Variants in ARHGEF3 observed in about 807,000 individuals in gnomAD.
The protein encoded by ARHGEF3 is 59.8 kDA protein.
A neutral mutation model predicts 63.2 loss-of-function variants in ARHGEF3; 28 were observed. The ratio of observed to expected loss-of-function variants is 0.44; its 90% CI spans 0.33 to 0.61. The LOEUF (loss-of-function observed/expected upper bound fraction) is 0.61. ARHGEF3 is among the 20% of genes least tolerant of loss of function. ARHGEF3 has a pLI of 0.03. For synonymous variants in ARHGEF3, 266 were observed against 254.2 expected, an observed-to-expected ratio of 1.05 and a Z score of -0.44; for missense variants, 533 against 659.3, an observed-to-expected ratio of 0.81 and a Z score of 2.10.
At chr3:57,022,884 CT>C (rs1420637575) in intron 2 of ARHGEF3, among the ~76,000 whole-genome samples, 1 of 152,218 alleles carries the variant, frequency 6.6e-6, no homozygotes, top group Non-Finnish European at 1.5e-5. Flanking sequence ...AGCTAAGCCC[CT>C]GGGCCTTAGC....
intron 2 of ARHGEF3, among the ~76,000 whole-genome samples, chr3:57,012,649 T>C (rs1702750015): frequency 6.6e-6 from 1 of 152,214 alleles, no homozygotes; most frequent in Admixed American, 6.5e-5. Flanking sequence ...CTAAAGTCAC[T>C]TACTCAAGGT....
chr3:56,751,018 G>A (rs1410612514), intron 6 of ARHGEF3, 38 bp downstream of exon 6: 1 of 1,508,678 alleles, frequency 6.6e-7, no homozygotes, highest in Non-Finnish European at 9.0e-7. Context: ...CTATATTATT[G>A]AAATTTATCT....
chr3:57,010,349 G>A lies in ARHGEF3; in HGVS notation c.62+24739C>T, dbSNP rs1702642584. ...CGGGTGCCTGTAGTCCCAGCTACTTGGGAGGCTGAGGCAGGAGAATGGCGT... is the reference window on the plus strand; with the variant it reads ...CGGGTGCCTGTAGTCCCAGCTACTTAGGAGGCTGAGGCAGGAGAATGGCGT... On this transcript the variant is annotated intron_variant, in intron 2 of 12. Coordinates refer to the ARHGEF3 transcript ENST00000338458. 2.0e-5 allele frequency among the ~76,000 whole-genome samples: 3 copies of A among 151,946 alleles called. No individual in the cohort carries two copies. In the South Asian group the frequency reaches 6.3e-4, roughly 32 times the overall value.
intron 2 of ARHGEF3, among the ~76,000 whole-genome samples, chr3:56,968,206 A>ATATAT: frequency 5.2e-5 from 1 of 19,310 alleles, no homozygotes; most frequent in Non-Finnish European, 1.3e-4. Flanking sequence ...TAATATATAA[A>ATATAT]AATATATATT....
At chr3:56,824,655 G>T (rs987052724) in intron 4 of ARHGEF3, among the ~76,000 whole-genome samples, 1 of 152,164 alleles carries the variant, frequency 6.6e-6, no homozygotes, top group Non-Finnish European at 1.5e-5. Context: ...GAAGATTATT[G>T]GCAATTATTA....
chr3:56,863,940 C>T (rs2040162215), intron 4 of ARHGEF3, among the ~76,000 whole-genome samples: 1 of 152,182 alleles, frequency 6.6e-6, no homozygotes, highest in Non-Finnish European at 1.5e-5. Context: ...TCTTCTAACG[C>T]ATGCCAAGAA....
intron 3 of ARHGEF3, among the ~76,000 whole-genome samples, chr3:56,919,146 A>C (rs9844930): frequency 0.33 from 49,735 of 152,084 alleles, 8,409 homozygotes; most frequent in Middle Eastern, 0.37. Context: ...GGGGTTAATC[A>C]TCCAGGGTGA....
At chr3:56,909,186 C>A (rs1028026274) in intron 3 of ARHGEF3, among the ~76,000 whole-genome samples, 2 of 152,184 alleles carry the variant, frequency 1.3e-5, no homozygotes, top group African/African-American at 2.4e-5. Flanking sequence ...GGGGACCACA[C>A]AGACATTTTC....
intron 6 of ARHGEF3, among the ~76,000 whole-genome samples, chr3:56,746,468 G>A (rs1272504024): frequency 1.3e-5 from 2 of 151,842 alleles, no homozygotes; most frequent in Non-Finnish European, 1.5e-5. Context: ...GCAGTGGCTC[G>A]TGCCTGTAAT....
chr3:56,783,725 A>G (rs2036666673), intron 1 of ARHGEF3, among the ~76,000 whole-genome samples: 1 of 152,224 alleles, frequency 6.6e-6, no homozygotes, highest in Admixed American at 6.5e-5. Flanking sequence ...ACTGTTTCAG[A>G]CGCTGTATTT....
intron 4 of ARHGEF3, among the ~76,000 whole-genome samples, chr3:56,868,641 G>C (rs1389398108): frequency 2.0e-5 from 3 of 152,180 alleles, no homozygotes; most frequent in Non-Finnish European, 4.4e-5. Context: ...GGGATTACAG[G>C]CATGAGCCAC....
chr3:56,797,371 T>C (rs550316354), intron 1 of ARHGEF3, among the ~76,000 whole-genome samples: 1 of 152,346 alleles, frequency 6.6e-6, no homozygotes, highest in East Asian at 1.9e-4. Context: ...AGCCTCGGAA[T>C]GATGGCTCAA....
chr3:56,870,821 A>T (rs1012745797), intron 4 of ARHGEF3, among the ~76,000 whole-genome samples: 21 of 43,840 alleles, frequency 4.8e-4, no homozygotes, highest in African/African-American at 1.4e-3. Flanking sequence ...TATAGAAGAA[A>T]AAGACAAGGC....
At chr3:56,750,719 T>C (rs1395451573) in intron 6 of ARHGEF3, among the ~76,000 whole-genome samples, 1 of 151,184 alleles carries the variant, frequency 6.6e-6, no homozygotes, top group Non-Finnish European at 1.5e-5. Context: ...AAATTTTTAT[T>C]GGAGTATATT....
intron 4 of ARHGEF3, among the ~76,000 whole-genome samples, chr3:56,815,138 C>T (rs2038222075): frequency 6.7e-6 from 1 of 150,212 alleles, no homozygotes; most frequent in Non-Finnish European, 1.5e-5. Context: ...AGCGAGACCC[C>T]ACCTCTAAAA....
At chr3:56,853,948 C>A (rs1325087084) in intron 4 of ARHGEF3, among the ~76,000 whole-genome samples, 1 of 152,148 alleles carries the variant, frequency 6.6e-6, no homozygotes. Context: ...GTAATCCCAG[C>A]ATTTTGGGAG....
intron 1 of ARHGEF3, among the ~76,000 whole-genome samples, chr3:56,801,311 G>A (rs2037637438): frequency 1.3e-5 from 2 of 152,174 alleles, no homozygotes. Flanking sequence ...TAGCGACACT[G>A]GGGCTTGCTG....
At chr3:57,050,384 C>A (rs1215234044) in intron 1 of ARHGEF3, among the ~76,000 whole-genome samples, 1 of 152,266 alleles carries the variant, frequency 6.6e-6, no homozygotes, top group Non-Finnish European at 1.5e-5. Context: ...AATTGGGTTT[C>A]CTGCTTCCAC....
chr3:56,823,558 C>A (rs1284425149), intron 4 of ARHGEF3, among the ~76,000 whole-genome samples: 1 of 152,092 alleles, frequency 6.6e-6, no homozygotes, highest in Non-Finnish European at 1.5e-5. Flanking sequence ...AGATTGTGGA[C>A]TTGGAAGTGC....
Sources: gnomAD v4.1 joint callset for allele counts (sites outside exome capture counted in the v4.1 genomes callset) on GRCh38, gnomAD v4.1.1 for gene constraint, MANE v1.5 for transcripts, NCBI Gene and HGNC (gene_info 2026-07-23, HGNC 2026-07-21) for gene names.